STON2: variants seen among roughly 807,000 people sequenced by gnomAD.
STON2 encodes stonin-2.
A neutral mutation model predicts 65.7 loss-of-function variants in STON2; 29 were observed. The ratio of observed to expected loss-of-function variants is 0.44; its 90% confidence interval spans 0.33 to 0.60. The LOEUF (loss-of-function observed/expected upper bound fraction) is 0.60. STON2 is among the 20% of genes least tolerant of loss of function. The probability of loss-of-function intolerance (pLI) is 0.03; values close to 1 mark genes in which losing one functional copy is unlikely to be tolerated. For synonymous variants in STON2, 404 were observed against 414.2 expected, an observed-to-expected ratio of 0.98 and a Z score of 0.30; for missense variants, 1,054 against 1,118.1, an observed-to-expected ratio of 0.94 and a Z score of 0.82.
intron 4 of STON2, among the ~76,000 whole-genome samples, chr14:81,354,273 G>A (rs1898136009): frequency 1.3e-5 from 2 of 152,282 alleles, no homozygotes; most frequent in Middle Eastern, 3.4e-3. Context: ...CAAATGCAAG[G>A]CAAAGGAAGC....
chr14:81,319,640 T>C (rs1438056238), intron 5 of STON2, among the ~76,000 whole-genome samples: 3 of 152,338 alleles, frequency 2.0e-5, no homozygotes, highest in South Asian at 2.1e-4. Context: ...ATGGAAGGGA[T>C]TGACAAGACC....
At chr14:81,418,044 G>A (rs1027183265) in intron 2 of STON2, 1 of 152,388 alleles carries the variant, frequency 6.6e-6, no homozygotes. Flanking sequence ...GACCCTTCCT[G>A]GCAGCATTTC....
intron 2 of STON2, among the ~76,000 whole-genome samples, chr14:81,419,050 T>TA (rs5810030): frequency 0.21 from 31,266 of 147,510 alleles, 4,825 homozygotes; most frequent in African/African-American, 0.43. Flanking sequence ...CTCTACAAAT[T>TA]AAAAAAAAAA....
chr14:81,362,846 GCAACATGCTGGGGATATA>G (rs1443209793), intron 4 of STON2, among the ~76,000 whole-genome samples: 1 of 151,996 alleles, frequency 6.6e-6, no homozygotes. Flanking sequence ...AATGTGCCAG[GCAACATGCTGGGGATATA>G]CAATAGAAGT....
In STON2 at chr14:81,396,183, A is replaced by C; in HGVS notation, c.89-5T>G. On this transcript the variant is annotated splice_polypyrimidine_tract_variant and splice_region_variant and intron_variant, in intron 2 of 7. Coordinates refer to ENST00000614646, the MANE Select transcript of STON2 (RefSeq NM_001394390.1). ...GGAGGTGCTCTTCCGTGCCCCCTGAAACAGATACCAGACGCCACCATCATG... is the reference window on the plus strand; with the variant it reads ...GGAGGTGCTCTTCCGTGCCCCCTGACACAGATACCAGACGCCACCATCATG... 1 of 1,593,974 alleles carries C rather than the reference A, an allele frequency of 6.3e-7. No individual in the cohort carries two copies. The highest frequency in any genetic ancestry group is 8.5e-7 in the Non-Finnish European group (1 of 1,169,928).
intron 4 of STON2, among the ~76,000 whole-genome samples, chr14:81,363,488 A>T (rs1370416730): frequency 7.3e-6 from 1 of 137,918 alleles, no homozygotes; most frequent in Non-Finnish European, 1.6e-5. Context: ...AAAAGCTTCA[A>T]ACAAAGCAAT....
intron 1 of STON2, among the ~76,000 whole-genome samples, chr14:81,434,387 G>A (rs1902330743): frequency 6.6e-6 from 1 of 152,184 alleles, no homozygotes; most frequent in Non-Finnish European, 1.5e-5. Flanking sequence ...CGCCACTGGA[G>A]AGAGTAAAAG....
At chr14:81,271,994 C>A (rs1452991728) in intron 6 of STON2, among the ~76,000 whole-genome samples, 1 of 152,122 alleles carries the variant, frequency 6.6e-6, no homozygotes, top group Non-Finnish European at 1.5e-5. Flanking sequence ...GAGGCCGAGG[C>A]AGGTGGATCA....
At chr14:81,332,730 C>T (rs1458598550) in intron 4 of STON2, among the ~76,000 whole-genome samples, 1 of 152,166 alleles carries the variant, frequency 6.6e-6, no homozygotes, top group Admixed American at 6.5e-5. Flanking sequence ...GGATTCAAGA[C>T]ATTGTCATAA....
At chr14:81,379,424 T>C (rs886580710) in intron 3 of STON2, among the ~76,000 whole-genome samples, 14 of 152,180 alleles carry the variant, frequency 9.2e-5, no homozygotes, top group South Asian at 4.1e-4. Flanking sequence ...TATATGGAGA[T>C]AGAGATAAAT....
At chr14:81,366,373 C>G (rs1898727704) in intron 4 of STON2, among the ~76,000 whole-genome samples, 1 of 152,138 alleles carries the variant, frequency 6.6e-6, no homozygotes, top group Non-Finnish European at 1.5e-5. Flanking sequence ...GGGGCCAAGG[C>G]AAATAGGCTG....
intron 5 of STON2, among the ~76,000 whole-genome samples, chr14:81,301,186 A>C (rs1895955363): frequency 6.6e-6 from 1 of 152,204 alleles, no homozygotes; most frequent in Admixed American, 6.5e-5. Flanking sequence ...ATAGAGAAAA[A>C]ATAATATCTA....
chr14:81,400,419 G>A (rs1337935121), upstream of STON2, among the ~76,000 whole-genome samples: 1 of 139,550 alleles, frequency 7.2e-6, no homozygotes, highest in Non-Finnish European at 1.5e-5. Context: ...TAAAATTGAA[G>A]AGTCAGATTC....
rs117073377 is a variant in STON2 at position 81,337,953 on chromosome 14, A to G, written c.572-13766T>C. On this transcript the variant is annotated intron_variant, in intron 4 of 7. Transcript: ENST00000614646. ...ACCATAAATAAAAAAAGAAAACAAG[A>G]TTTTAAAAAAGATAAAAAGAAAAAG... Among the ~76,000 whole-genome samples the G allele has an allele frequency of 6.9e-3, 1,045 of 152,252 alleles. 10 individuals carry two copies. Among genetic ancestry groups the G allele is most frequent in the South Asian group, 9.3e-3 (45 of 4,818 alleles).
intron 4 of STON2, among the ~76,000 whole-genome samples, chr14:81,358,908 G>A (rs1898371121): frequency 6.6e-6 from 1 of 152,136 alleles, no homozygotes; most frequent in Non-Finnish European, 1.5e-5. Context: ...TTAAAAGATT[G>A]AAGGGAAAGA....
At position 81,261,306 on chromosome 14, in the gene STON2, A is replaced by G. The variant is rs1894132960; in HGVS notation, c.*7108T>C. ...GGTGTGGGGCTAGACAGCATCCCCA[A>G]CTAGAATTGAGGGTTTGATCTGTGG... On this transcript the variant is annotated 3_prime_UTR_variant, in exon 8 of 8. Transcript: ENST00000614646. The G allele has an allele frequency of 1.3e-5, 2 of 152,392 alleles. No individual in the cohort carries two copies. The allele number at this position is 152,392 out of a possible 1,614,324, so 9.4% of individuals were successfully genotyped here.
intron 1 of STON2, among the ~76,000 whole-genome samples, chr14:81,432,192 AAAAG>A (rs796554610): frequency 8.5e-5 from 13 of 152,322 alleles, no homozygotes; most frequent in African/African-American, 2.9e-4. Flanking sequence ...ATAGCAAAAA[AAAAG>A]ACACTCTCAC....
In STON2 at chr14:81,408,159, G is replaced by A. The variant is rs1055302390; in HGVS notation, c.-198-9579C>T. 4.5e-4 allele frequency among the ~76,000 whole-genome samples: 50 copies of A among 110,068 alleles called. 1 individual carries two copies. Among genetic ancestry groups the A allele is most frequent in the South Asian group, 4.2e-3 (12 of 2,884 alleles). The allele number at this position is 110,068 out of a possible 152,430, so 72.2% of individuals were successfully genotyped here. A position where few individuals can be genotyped will look rare whatever the true frequency, so the allele number is the denominator to read the frequency against. On this transcript the variant is annotated intron_variant, in intron 2 of 8. Coordinates refer to the STON2 transcript ENST00000553821. ...AGAACACACACACACACACACACAC[G>A]CGCACACACACACACATTAATTAAT...
chr14:81,401,995 G>A (rs1900632539), upstream of STON2, among the ~76,000 whole-genome samples: 1 of 152,202 alleles, frequency 6.6e-6, no homozygotes, highest in African/African-American at 2.4e-5. Context: ...GCAAGTGACA[G>A]TAAAAATCAG....
Sources: gnomAD v4.1 joint callset for allele counts (sites outside exome capture counted in the v4.1 genomes callset) on GRCh38, gnomAD v4.1.1 for gene constraint, MANE v1.5 for transcripts, NCBI Gene and HGNC (gene_info 2026-07-23, HGNC 2026-07-21) for gene names.